LARS1: variants seen among roughly 807,000 people sequenced by gnomAD.
The protein encoded by LARS1 is leucine--tRNA ligase, cytoplasmic.
LARS1 carries 100 observed loss-of-function variants against 162.8 expected under a neutral mutation model. That is an observed-to-expected ratio of 0.61 (90% CI 0.52 to 0.73). The LOEUF is 0.73. LARS1 is among the 30% of genes least tolerant of loss of function. The pLI, the probability that LARS1 is intolerant of heterozygous loss-of-function variation, is 0.00. For synonymous variants in LARS1, 457 were observed against 462.8 expected (o/e 0.99, Z 0.16); for missense variants, 1,258 against 1,408.9 (o/e 0.89, Z 1.71).
intron 30 of LARS1, 79 bp from the exon 31 acceptor site, chr5:146,120,582 C>G: frequency 1.5e-6 from 2 of 1,352,414 alleles, no homozygotes; most frequent in Non-Finnish European, 2.1e-6. Flanking sequence ...TTTTCAATGC[C>G]CAATGAAAGA....
At chr5:146,130,933 G>C in intron 24 of LARS1, 86 bp downstream of exon 24, 1 of 662,526 alleles carries the variant, frequency 1.5e-6, no homozygotes, top group Non-Finnish European at 2.5e-6. Flanking sequence ...GCGAGTAATT[G>C]TGCTATAGCA....
intron 14 of LARS1, among the ~76,000 whole-genome samples, chr5:146,151,070 TA>T (rs1257299431): frequency 3.3e-5 from 5 of 152,078 alleles, no homozygotes; most frequent in Non-Finnish European, 7.3e-5. Context: ...AATCAGTTAA[TA>T]ATCTCTTTGT....
intron 2 of LARS1, among the ~76,000 whole-genome samples, chr5:146,173,217 A>G (rs2963911): frequency 0.74 from 112,318 of 151,718 alleles, 42,017 homozygotes; most frequent in Middle Eastern, 0.87. Context: ...GCGTGCGCTG[A>G]TAATCCCAGC....
At chr5:146,164,814 A>G (rs1405057940) in intron 5 of LARS1, among the ~76,000 whole-genome samples, 1 of 152,234 alleles carries the variant, frequency 6.6e-6, no homozygotes, top group African/African-American at 2.4e-5. Flanking sequence ...TACCTTATTT[A>G]CCTATAAAGA....
intron 28 of LARS1, among the ~76,000 whole-genome samples, chr5:146,125,538 GT>G (rs1362205889): frequency 6.6e-6 from 1 of 151,922 alleles, no homozygotes; most frequent in Non-Finnish European, 1.5e-5. Context: ...ACTTAAGTGT[GT>G]TAGGTACACT....
intron 5 of LARS1, among the ~76,000 whole-genome samples, chr5:146,167,089 T>A (rs1480816641): frequency 6.6e-6 from 1 of 152,178 alleles, no homozygotes; most frequent in Non-Finnish European, 1.5e-5. Flanking sequence ...CCGTATTCGT[T>A]AAAAGTATAA....
Position 146,144,506 on chromosome 5 carries a change from T to A in LARS1, c.1621A>T (p.Lys541Ter), listed in dbSNP as rs780077906. 3.7e-6 allele frequency: 6 copies of A among 1,614,006 alleles called. No homozygotes were observed. Among genetic ancestry groups the A allele is most frequent in the Admixed American group, 3.3e-5 (2 of 59,996 alleles). ...YLDYGEENWK[K>*]QTSQCLKNLE... ...TTCTTCAAGCACTGAGATGTCTGTT[T>A]CTTCCAATTCTCTTCTCCATAATCC... The change falls in exon 17 of 32, where the codon AAA (lysine) becomes TAA (stop). Residue 541 changes from lysine to a stop codon, truncating the protein, a stop_gained. Coordinates refer to ENST00000394434, the MANE Select transcript of LARS1 (RefSeq NM_020117.11). LOFTEE classifies it high-confidence loss of function.
intron 29 of LARS1, 55 bp downstream of exon 29, chr5:146,123,927 C>A: frequency 1.2e-6 from 1 of 845,708 alleles, no homozygotes; most frequent in Admixed American, 2.2e-5. Flanking sequence ...AATAAAAGAG[C>A]TGGATTATGG....
At chr5:146,160,824 T>C in intron 6 of LARS1, among the ~76,000 whole-genome samples, 1 of 152,220 alleles carries the variant, frequency 6.6e-6, no homozygotes, top group East Asian at 1.9e-4. Flanking sequence ...TAATTGTTAA[T>C]ATGTCAATAT....
intron 28 of LARS1, among the ~76,000 whole-genome samples, chr5:146,125,972 A>G (rs1019898239): frequency 1.3e-5 from 2 of 152,006 alleles, no homozygotes; most frequent in Admixed American, 1.3e-4. Flanking sequence ...CATATCCTAC[A>G]GTGCACAAGA....
At chr5:146,138,134 AAAAG>A in intron 21 of LARS1, 1 of 154,668 alleles carries the variant, frequency 6.5e-6, no homozygotes, top group Non-Finnish European at 1.5e-5. Context: ...AAAAAAAAAA[AAAAG>A]TGAAACTGTT....
intron 22 of LARS1, among the ~76,000 whole-genome samples, chr5:146,133,711 A>T (rs1752391774): frequency 6.6e-6 from 1 of 151,418 alleles, no homozygotes; most frequent in Admixed American, 6.6e-5. Context: ...AAAAAAAAAA[A>T]AGAGGGAACT....
chr5:146,164,613 A>G (rs1360881424), intron 5 of LARS1, 142 bp from the exon 6 acceptor site: 2 of 810,666 alleles, frequency 2.5e-6, no homozygotes, highest in Non-Finnish European at 4.0e-6. Context: ...TAGTTGTACT[A>G]TTAGTCTGTA....
At position 146,126,335 on chromosome 5, in the gene LARS1, T is replaced by C. The variant is rs546770403; in HGVS notation, c.2991+100A>G. On this transcript the variant is annotated intron_variant, in intron 28 of 31. Transcript: ENST00000394434. Reference sequence around the variant, plus strand: ...GATTGAAAAGTGCTATTTTAGCAGATTTCTGGCAGGAGACTATGTCCAAGG... The same window carrying C: ...GATTGAAAAGTGCTATTTTAGCAGACTTCTGGCAGGAGACTATGTCCAAGG... The C allele has an allele frequency of 3.2e-5, 21 of 650,044 alleles. No homozygotes were observed. The African/African-American group carries it at 3.3e-4, about 10-fold the overall frequency. 40.3% of individuals were successfully genotyped at this position (650,044 alleles called of 1,614,324 possible).
rs1347865525 is a variant in LARS1, at chr5:146,144,306, A to T, written c.1699T>A (p.Trp567Arg). ...CTTGAGCAAGCATGTTCTTGTAGCC[A>T]ACCTAAGGTGGCTTCAAAATTCCTC... is the stretch of plus-strand genomic sequence containing the variant. The part of the protein sequence containing the change: ...TRRNFEATLG[W>R]LQEHACSRTY... Residue 567 changes from tryptophan to arginine, a missense_variant, in exon 18 of 32, where the codon TGG (tryptophan) becomes AGG (arginine). Physicochemically the swap from Trp to Arg is moderately radical, Grantham distance 101. Coordinates refer to ENST00000394434, the MANE Select transcript of LARS1 (RefSeq NM_020117.11). The T allele has an allele frequency of 1.2e-6, 2 of 1,613,270 alleles. No individual in the cohort carries two copies. Among genetic ancestry groups the T allele is most frequent in the African/African-American group, 1.3e-5 (1 of 74,884 alleles).
At chr5:146,134,778 G>A (rs1000755465) in intron 22 of LARS1, among the ~76,000 whole-genome samples, 2 of 152,074 alleles carry the variant, frequency 1.3e-5, no homozygotes, top group Admixed American at 6.6e-5. Flanking sequence ...GCAAAACCCC[G>A]TCTCTACTAG....
intron 6 of LARS1, among the ~76,000 whole-genome samples, chr5:146,164,109 A>T (rs1753897952): frequency 6.6e-6 from 1 of 152,272 alleles, no homozygotes; most frequent in East Asian, 1.9e-4. Flanking sequence ...AAAGTTTGAA[A>T]TATTAAAATA....
intron 28 of LARS1, 113 bp downstream of exon 28, chr5:146,126,322 C>T (rs1304732911): frequency 5.0e-6 from 3 of 596,898 alleles, no homozygotes; most frequent in Middle Eastern, 2.6e-4. Context: ...TTGAAAAGTG[C>T]TATTTTAGCA....
At chr5:146,146,251 G>A (rs1282494992) in intron 15 of LARS1, among the ~76,000 whole-genome samples, 1 of 151,186 alleles carries the variant, frequency 6.6e-6, no homozygotes, top group Non-Finnish European at 1.5e-5. Context: ...TGAGGCAGGA[G>A]AATCGCTTGA....
Sources: gnomAD v4.1 joint callset for allele counts (sites outside exome capture counted in the v4.1 genomes callset) on GRCh38, gnomAD v4.1.1 for gene constraint, MANE v1.5 for transcripts, NCBI Gene and HGNC (gene_info 2026-07-23, HGNC 2026-07-21) for gene names.